Variants in PSMB7 observed in about 807,000 individuals in gnomAD.
PSMB7 encodes proteasome subunit beta type-7.
A neutral mutation model predicts 28.1 loss-of-function variants in PSMB7; 5 were observed. The observed-to-expected ratio is 0.18, with a 90% confidence interval of 0.09 to 0.37. The LOEUF is 0.37. PSMB7 is among the 10% of genes least tolerant of loss of function. The pLI is 1.00. For missense variants in PSMB7, 275 were observed against 346.2 expected, an observed-to-expected ratio of 0.79 and a Z score of 1.63; for synonymous variants, 122 against 123.7, an observed-to-expected ratio of 0.99 and a Z score of 0.09.
At chr9:124,384,689 T>C (rs1469438526) in intron 5 of PSMB7, 33 bp from the exon 6 acceptor site, 1 of 1,603,254 alleles carries the variant, frequency 6.2e-7, no homozygotes, top group South Asian at 1.1e-5. Context: ...TAGTGTATTT[T>C]ATGATATCCC....
intron 5 of PSMB7, among the ~76,000 whole-genome samples, chr9:124,389,459 C>G (rs1830761778): frequency 6.6e-6 from 1 of 152,178 alleles, no homozygotes; most frequent in Non-Finnish European, 1.5e-5. Flanking sequence ...GTGACCAGCA[C>G]TTAGGTGAAT....
intron 6 of PSMB7, among the ~76,000 whole-genome samples, chr9:124,383,321 TA>T (rs1830686815): frequency 1.3e-5 from 2 of 152,334 alleles, no homozygotes; most frequent in East Asian, 3.9e-4. Context: ...ATTTTTAGTG[TA>T]AAACACCTAA....
At chr9:124,360,488 A>G (rs1267499256) in intron 6 of PSMB7, among the ~76,000 whole-genome samples, 2 of 152,242 alleles carry the variant, frequency 1.3e-5, no homozygotes, top group African/African-American at 2.4e-5. Flanking sequence ...TCTCTCCCAC[A>G]GCCAGGGAGG....
rs996463259 is a variant in PSMB7 at position 124,412,770 on chromosome 9, T to C, written c.255-278A>G. 9.2e-5 allele frequency among the ~76,000 whole-genome samples: 14 copies of C among 152,196 alleles called. 1 individual carries two copies. Among genetic ancestry groups the C allele is most frequent in the Admixed American group, 9.2e-4 (14 of 15,280 alleles). ...GTGCATTCCATTAATGCTACAAATA[T>C]ATCCAAGTTGTACAGAAGTGCCAGG... On this transcript the variant is annotated intron_variant, in intron 3 of 7. Coordinates refer to ENST00000259457, the MANE Select transcript of PSMB7 (RefSeq NM_002799.4).
chr9:124,410,187 G>C (rs762133524), intron 4 of PSMB7, among the ~76,000 whole-genome samples: 21 of 151,872 alleles, frequency 1.4e-4, no homozygotes, highest in Non-Finnish European at 3.1e-4. Context: ...GTAGAGATGG[G>C]GTTTCACCAT....
chr9:124,412,216 A>C, intron 4 of PSMB7, 136 bp downstream of exon 4: 1 of 949,182 alleles, frequency 1.1e-6, no homozygotes, highest in Non-Finnish European at 1.6e-6. Context: ...ATGGCTCTTT[A>C]ATATAACAAC....
chr9:124,393,944 G>A (rs539119318), intron 5 of PSMB7, among the ~76,000 whole-genome samples: 30 of 152,276 alleles, frequency 2.0e-4, no homozygotes, highest in African/African-American at 6.7e-4. Context: ...CCTGCACCAC[G>A]AGGCCACACC....
intron 4 of PSMB7, among the ~76,000 whole-genome samples, chr9:124,408,055 C>A (rs1830985170): frequency 6.6e-6 from 1 of 152,024 alleles, no homozygotes. Context: ...CCCAGCTACT[C>A]AGGAGGCTGA....
At chr9:124,413,849 A>C in intron 3 of PSMB7, 59 bp downstream of exon 3, 4 of 1,252,624 alleles carry the variant, frequency 3.2e-6, no homozygotes, top group East Asian at 4.9e-5. Context: ...CAGGAAGGTC[A>C]ATTTTTAGCC....
intron 6 of PSMB7, 116 bp from the exon 7 acceptor site, chr9:124,357,031 T>C: frequency 8.9e-7 from 1 of 1,120,072 alleles, no homozygotes; most frequent in South Asian, 1.6e-5. Flanking sequence ...GTGTTGTTTT[T>C]AATGCCCATC....
In PSMB7 at chr9:124,384,504, C is replaced by T. The variant is rs955809895; in HGVS notation, c.570+94G>A. On this transcript the variant is annotated intron_variant, in intron 6 of 7. Coordinates refer to ENST00000259457, the MANE Select transcript of PSMB7 (RefSeq NM_002799.4). Reference sequence around the variant, plus strand: ...CATTCCAACTAACAACAGTGCTGTACAAGCTCGGGAGGAATCAGCAATCAA... The same window carrying T: ...CATTCCAACTAACAACAGTGCTGTATAAGCTCGGGAGGAATCAGCAATCAA... The T allele has an allele frequency of 2.5e-6, 3 of 1,190,082 alleles. No homozygotes were observed. In the African/African-American group the frequency reaches 4.6e-5, roughly 18 times the overall value. 73.7% of individuals were successfully genotyped at this position (1,190,082 alleles called of 1,614,324 possible). A position where few individuals can be genotyped will look rare whatever the true frequency, so the allele number is the denominator to read the frequency against.
At chr9:124,376,196 G>A (rs193040239) in intron 6 of PSMB7, among the ~76,000 whole-genome samples, 115 of 151,952 alleles carry the variant, frequency 7.6e-4, no homozygotes, top group Middle Eastern at 3.4e-3. Context: ...ACCTCAAATG[G>A]ACAAATGCCA....
Position 124,365,526 on chromosome 9 carries a change from GAC to G in PSMB7, c.571-8613_571-8612del, listed in dbSNP as rs1238191251. Among the ~76,000 whole-genome samples, 6 of 152,334 alleles carry G rather than the reference GAC, an allele frequency of 3.9e-5. No homozygotes were observed. The East Asian group carries it at 1.2e-3, about 29-fold the overall frequency. ...CACCCTTTATGCTAAGCAGCAGGAA[GAC>G]ACAAAAATTTCTACCTGGAAAATGA... is the stretch of plus-strand genomic sequence containing the variant. On this transcript the variant is annotated intron_variant, in intron 6 of 7. Transcript: ENST00000259457.
intron 5 of PSMB7, among the ~76,000 whole-genome samples, chr9:124,395,168 A>G (rs1291178695): frequency 6.6e-6 from 1 of 152,224 alleles, no homozygotes; most frequent in Non-Finnish European, 1.5e-5. Flanking sequence ...ACAGTCAAAC[A>G]GCTAAATGAA....
intron 6 of PSMB7, among the ~76,000 whole-genome samples, chr9:124,374,563 G>A (rs1830590666): frequency 6.6e-6 from 1 of 152,200 alleles, no homozygotes; most frequent in Non-Finnish European, 1.5e-5. Flanking sequence ...CATGGCTTGT[G>A]CCTGTAATTT....
chr9:124,388,367 A>G (rs1240157595), intron 5 of PSMB7, among the ~76,000 whole-genome samples: 1 of 152,238 alleles, frequency 6.6e-6, no homozygotes, highest in Admixed American at 6.5e-5. Flanking sequence ...AATGCAGGCT[A>G]TGCTCCATGA....
At chr9:124,387,194 C>A (rs1014271980) in intron 5 of PSMB7, among the ~76,000 whole-genome samples, 1 of 152,004 alleles carries the variant, frequency 6.6e-6, no homozygotes, top group African/African-American at 2.4e-5. Context: ...TGCAGTGAGC[C>A]CAGATCGCGC....
At chr9:124,393,470 T>C (rs1396676051) in intron 5 of PSMB7, among the ~76,000 whole-genome samples, 1 of 152,242 alleles carries the variant, frequency 6.6e-6, no homozygotes, top group African/African-American at 2.4e-5. Context: ...TCAGCAAATG[T>C]ACCTCAATGT....
intron 6 of PSMB7, among the ~76,000 whole-genome samples, chr9:124,363,457 T>G (rs943127001): frequency 6.6e-6 from 1 of 152,250 alleles, no homozygotes; most frequent in Non-Finnish European, 1.5e-5. Context: ...ACGTATCCCA[T>G]GTATAGCCAC....
Sources: allele counts gnomAD v4.1 joint callset (sites outside exome capture counted in the v4.1 genomes callset), GRCh38; gene constraint gnomAD v4.1.1; transcripts MANE v1.5; gene names NCBI Gene and HGNC (gene_info 2026-07-23, HGNC 2026-07-21).